PDE3B: variants seen among roughly 807,000 people sequenced by gnomAD.
PDE3B encodes the protein cGMP-inhibited 3',5'-cyclic phosphodiesterase 3B.
PDE3B carries 66 observed loss-of-function variants against 116.8 expected under a neutral mutation model. The observed-to-expected ratio is 0.56, with a 90% CI of 0.46 to 0.69. The LOEUF is 0.69. Among genes scored for constraint, PDE3B ranks in the 30% least tolerant of loss-of-function variants. The pLI, the probability that PDE3B is intolerant of heterozygous loss-of-function variation, is 0.00. For synonymous variants in PDE3B, 595 were observed against 533.6 expected (o/e 1.12, Z -1.59); for missense variants, 1,384 against 1,368.1 (o/e 1.01, Z -0.18).
At chr11:14,715,810 G>A (rs1855863977) in intron 1 of PDE3B, among the ~76,000 whole-genome samples, 1 of 152,206 alleles carries the variant, frequency 6.6e-6, no homozygotes, top group African/African-American at 2.4e-5. Context: ...TAGGAGTGGT[G>A]AGAGAGGGCA....
intron 1 of PDE3B, among the ~76,000 whole-genome samples, chr11:14,711,212 G>C (rs1409368640): frequency 6.6e-6 from 1 of 152,168 alleles, no homozygotes; most frequent in Admixed American, 6.5e-5. Context: ...TCTGATTAAA[G>C]ATATAATGGA....
At chr11:14,837,681 C>T (rs1248624551) in intron 11 of PDE3B, among the ~76,000 whole-genome samples, 1 of 152,206 alleles carries the variant, frequency 6.6e-6, no homozygotes, top group Non-Finnish European at 1.5e-5. Context: ...TCATGCTGCA[C>T]ACTTCCTTCT....
chr11:14,821,000 A>G (rs1859500485), intron 7 of PDE3B, among the ~76,000 whole-genome samples: 1 of 152,234 alleles, frequency 6.6e-6, no homozygotes, highest in South Asian at 2.1e-4. Context: ...ATAATTTATT[A>G]AGTGTCATAT....
intron 12 of PDE3B, among the ~76,000 whole-genome samples, chr11:14,844,437 A>G (rs947012592): frequency 5.9e-5 from 9 of 152,186 alleles, no homozygotes; most frequent in African/African-American, 9.6e-5. Context: ...CTGCATTTCC[A>G]TCGGAGGTAC....
chr11:14,763,522 T>C (rs1277368453), intron 1 of PDE3B, among the ~76,000 whole-genome samples: 1 of 152,006 alleles, frequency 6.6e-6, no homozygotes. Flanking sequence ...GAATGTGAGA[T>C]GTGAGAAACT....
At chr11:14,865,145 AG>A (rs1848020080) in intron 14 of PDE3B, among the ~76,000 whole-genome samples, 1 of 152,180 alleles carries the variant, frequency 6.6e-6, no homozygotes, top group South Asian at 2.1e-4. Context: ...AAAATGATAA[AG>A]GGGAAATCAC....
At chr11:14,675,857 A>G (rs1355824583) in intron 1 of PDE3B, among the ~76,000 whole-genome samples, 1 of 152,152 alleles carries the variant, frequency 6.6e-6, no homozygotes, top group African/African-American at 2.4e-5. Context: ...ATTCTTGTGC[A>G]AGTCTTTTTT....
intron 1 of PDE3B, among the ~76,000 whole-genome samples, chr11:14,737,493 C>T (rs1043741724): frequency 4.6e-5 from 7 of 151,720 alleles, no homozygotes; most frequent in African/African-American, 1.2e-4. Flanking sequence ...CCACTGCATC[C>T]GGCCACAGGC....
At chr11:14,826,612 G>T (rs1859696030) in intron 7 of PDE3B, among the ~76,000 whole-genome samples, 1 of 151,944 alleles carries the variant, frequency 6.6e-6, no homozygotes, top group African/African-American at 2.4e-5. Context: ...CTCCAAAACG[G>T]AATCTGTAAT....
chr11:14,717,956 A>G (rs1172571483), intron 1 of PDE3B, among the ~76,000 whole-genome samples: 17 of 146,804 alleles, frequency 1.2e-4, no homozygotes, highest in South Asian at 2.2e-4. Flanking sequence ...AAATGCTCCA[A>G]TTAAAAGACA....
At chr11:14,712,244 C>T (rs1337164901) in intron 1 of PDE3B, among the ~76,000 whole-genome samples, 1 of 152,064 alleles carries the variant, frequency 6.6e-6, no homozygotes, top group East Asian at 1.9e-4. Context: ...TGCCACCACA[C>T]CTAGCTAATT....
chr11:14,813,632 C>A (rs1859223631), intron 5 of PDE3B, among the ~76,000 whole-genome samples: 1 of 152,180 alleles, frequency 6.6e-6, no homozygotes, highest in Non-Finnish European at 1.5e-5. Flanking sequence ...ATTTAAATAT[C>A]CCTTTGCCAT....
At chr11:14,749,995 A>G (rs973353451) in intron 1 of PDE3B, among the ~76,000 whole-genome samples, 1 of 144,642 alleles carries the variant, frequency 6.9e-6, no homozygotes, top group African/African-American at 2.6e-5. Context: ...GTAAGTTCCA[A>G]TCTGAAAGCT....
At chr11:14,707,302 T>C (rs1322805780) in intron 1 of PDE3B, among the ~76,000 whole-genome samples, 1 of 151,862 alleles carries the variant, frequency 6.6e-6, no homozygotes, top group East Asian at 1.9e-4. Flanking sequence ...CCTGATGAAC[T>C]TGGTATATTT....
chr11:14,829,331 C>G (rs1261891429), intron 7 of PDE3B, among the ~76,000 whole-genome samples: 2 of 151,936 alleles, frequency 1.3e-5, no homozygotes, highest in Non-Finnish European at 2.9e-5. Flanking sequence ...AAAATCACAG[C>G]TAGTGAAGTA....
chr11:14,667,251 A>G (rs1854190140), intron 1 of PDE3B, among the ~76,000 whole-genome samples: 1 of 145,982 alleles, frequency 6.9e-6, no homozygotes. Context: ...ACATGGACAC[A>G]GGAAGGGGAA....
At chr11:14,893,279 C>T in the PDE3B span, among the ~76,000 whole-genome samples, 1 of 152,112 alleles carries the variant, frequency 6.6e-6, no homozygotes, top group African/African-American at 2.4e-5. Context: ...CAGAAGCAAA[C>T]AAAAAGTGCG....
At chr11:14,655,356 CAT>C (rs776961207) in intron 1 of PDE3B, among the ~76,000 whole-genome samples, 34 of 152,252 alleles carry the variant, frequency 2.2e-4, no homozygotes, top group Non-Finnish European at 4.4e-4. Flanking sequence ...TATACACACA[CAT>C]ATAATTATTT....
intron 5 of PDE3B, among the ~76,000 whole-genome samples, chr11:14,806,798 G>T (rs1858942761): frequency 6.8e-6 from 1 of 145,988 alleles, no homozygotes; most frequent in African/African-American, 2.6e-5. Context: ...GGCGGAGCTT[G>T]CAGTGAGCCG....
Sources: allele counts gnomAD v4.1 joint callset (sites outside exome capture counted in the v4.1 genomes callset), GRCh38; gene constraint gnomAD v4.1.1; transcripts MANE v1.5; gene names NCBI Gene and HGNC (gene_info 2026-07-23, HGNC 2026-07-21).